MINDY4B: variants seen among roughly 807,000 people sequenced by gnomAD.
MINDY4B encodes the protein inactive ubiquitin carboxyl-terminal hydrolase MINDY-4B.
In MINDY4B, 25 loss-of-function variants were observed where a neutral mutation model predicts 16.7. The ratio of observed to expected loss-of-function variants is 1.49; its 90% CI spans 1.09 to 2.09. MINDY4B has a LOEUF of 2.09. Among genes scored for constraint, MINDY4B ranks in the 30% most tolerant of loss-of-function variants. MINDY4B has a pLI of 0.00. For missense variants in MINDY4B, 327 were observed against 168.4 expected (o/e 1.94, Z -5.21); for synonymous variants, 132 against 61.9 (o/e 2.13, Z -5.32).
At chr3:150,871,466 A>G (rs1007944378) in intron 11 of MINDY4B, among the ~76,000 whole-genome samples, 3 of 152,050 alleles carry the variant, frequency 2.0e-5, no homozygotes, top group Admixed American at 6.5e-5. Flanking sequence ...GTTGTTGTGC[A>G]TAACTGTTGA....
rs766447426 is a variant in MINDY4B at position 150,893,310 on chromosome 3, C to T, written c.521+14G>A. 9 of 702,590 alleles carry T rather than the reference C, an allele frequency of 1.3e-5. No individual in the cohort carries two copies. Among genetic ancestry groups the T allele is most frequent in the Non-Finnish European group, 2.3e-5 (9 of 384,820 alleles). 43.5% of individuals were successfully genotyped at this position (702,590 alleles called of 1,614,324 possible). A position where few individuals can be genotyped will look rare whatever the true frequency, so the allele number is the denominator to read the frequency against. ...TGAAATGGGTAATTCAAGTACTTCTCACAGTCCTCTTACTTGCCAAGGTTA... is the reference window on the plus strand; with the variant it reads ...TGAAATGGGTAATTCAAGTACTTCTTACAGTCCTCTTACTTGCCAAGGTTA... On this transcript the variant is annotated intron_variant, in intron 5 of 11. Coordinates refer to ENST00000465419, the MANE Select transcript of MINDY4B (RefSeq NM_001351281.2).
intron 10 of MINDY4B, among the ~76,000 whole-genome samples, chr3:150,874,111 G>A (rs1005940975): frequency 6.7e-6 from 1 of 149,752 alleles, no homozygotes; most frequent in East Asian, 2.0e-4. Flanking sequence ...GACTCCCTGG[G>A]CTCAAGTGAT....
At position 150,870,949 on chromosome 3, in the gene MINDY4B, A is replaced by G. The variant is rs936726792; in HGVS notation, c.*96T>C. 1 of 611,456 alleles carries G rather than the reference A, an allele frequency of 1.6e-6. No individual in the cohort carries two copies. Among genetic ancestry groups the G allele is most frequent in the East Asian group, 2.7e-5 (1 of 36,380 alleles). The allele number at this position is 611,456 out of a possible 1,614,324, so 37.9% of individuals were successfully genotyped here. A position where few individuals can be genotyped will look rare whatever the true frequency, so the allele number is the denominator to read the frequency against. On this transcript the variant is annotated 3_prime_UTR_variant, in exon 12 of 12. Transcript: ENST00000465419. ...ATATATTTTTTGGTGGGGCTTGTGA[A>G]TGAGAAATATGGAAACGATTGGTCT...
At chr3:150,892,414 T>C (rs1227997725) in intron 5 of MINDY4B, among the ~76,000 whole-genome samples, 2 of 152,244 alleles carry the variant, frequency 1.3e-5, no homozygotes, top group African/African-American at 4.8e-5. Context: ...TGGGCTCTGC[T>C]TCTAGGGAAA....
chr3:150,882,926 C>A lies in MINDY4B; in HGVS notation c.1030G>T (p.Asp344Tyr). ...SDVGYLQWGKDASEDDRLSQV... is the reference protein window; with the variant it reads ...SDVGYLQWGKYASEDDRLSQV... Reference sequence around the variant, plus strand: ...GAGAGTCTGTCATCTTCCGAGGCATCCTTACCCCACTGCAAATAGCCAACA... The same window carrying A: ...GAGAGTCTGTCATCTTCCGAGGCATACTTACCCCACTGCAAATAGCCAACA... Residue 344 changes from aspartate to tyrosine, a missense_variant, in exon 10 of 12, where the codon GAT becomes TAT. Physicochemically the swap from Asp to Tyr is radical, Grantham distance 160. Coordinates refer to ENST00000465419, the MANE Select transcript of MINDY4B (RefSeq NM_001351281.2). 4 of 702,802 alleles carry A rather than the reference C, an allele frequency of 5.7e-6. No homozygotes were observed. Among genetic ancestry groups the A allele is most frequent in the Non-Finnish European group, 1.0e-5 (4 of 384,712 alleles). 43.5% of individuals were successfully genotyped at this position (702,802 alleles called of 1,614,324 possible). A position where few individuals can be genotyped will look rare whatever the true frequency, so the allele number is the denominator to read the frequency against.
intron 3 of MINDY4B, among the ~76,000 whole-genome samples, chr3:150,897,504 T>G (rs1163830689): frequency 1.3e-5 from 2 of 152,126 alleles, no homozygotes; most frequent in East Asian, 3.8e-4. Flanking sequence ...TGGAGCTCAA[T>G]GGGCCCAGAG....
intron 3 of MINDY4B, 80 bp downstream of exon 3, chr3:150,903,169 G>A (rs2276760): frequency 0.27 from 108,483 of 397,306 alleles, 16,635 homozygotes; most frequent in African/African-American, 0.48. Flanking sequence ...CTCTCACATG[G>A]CAGGAGATAA....
chr3:150,872,412 T>C, intron 11 of MINDY4B, among the ~76,000 whole-genome samples: 1 of 152,224 alleles, frequency 6.6e-6, no homozygotes, highest in Admixed American at 6.5e-5. Context: ...TCAGACACAG[T>C]AATGCTCCAT....
chr3:150,871,213 G>T (rs966568180), intron 11 of MINDY4B, 26 bp from the exon 12 acceptor site: 6 of 700,614 alleles, frequency 8.6e-6, no homozygotes, highest in Non-Finnish European at 1.6e-5. Flanking sequence ...CCAGCATTTA[G>T]ACCCAAGCCT....
chr3:150,884,270 G>A (rs1711571893), intron 8 of MINDY4B, among the ~76,000 whole-genome samples: 1 of 152,198 alleles, frequency 6.6e-6, no homozygotes, highest in African/African-American at 2.4e-5. Flanking sequence ...ACAATATAAG[G>A]TCAAGGTGGA....
chr3:150,873,570 G>A lies in MINDY4B; in HGVS notation c.1060-203C>T, dbSNP rs138761754. The stretch of plus-strand genomic sequence containing the variant: ...TTTATGAATGATCTGGTATAGTGGT[G>A]CTGCCATTTTTATCTTAATGGATTA... On this transcript the variant is annotated intron_variant, in intron 10 of 11. Coordinates refer to ENST00000465419, the MANE Select transcript of MINDY4B (RefSeq NM_001351281.2). Among the ~76,000 whole-genome samples, 4 of 152,306 alleles carry A rather than the reference G, an allele frequency of 2.6e-5. No homozygotes were observed. In the East Asian group the frequency reaches 7.7e-4, roughly 29 times the overall value.
intron 3 of MINDY4B, among the ~76,000 whole-genome samples, chr3:150,897,992 T>G (rs942037525): frequency 3.3e-5 from 5 of 152,230 alleles, no homozygotes; most frequent in Non-Finnish European, 7.3e-5. Flanking sequence ...GCCCCAGTTC[T>G]GCTCCTTACC....
intron 10 of MINDY4B, among the ~76,000 whole-genome samples, chr3:150,881,933 G>C (rs1267232005): frequency 1.3e-5 from 2 of 152,322 alleles, no homozygotes; most frequent in Admixed American, 1.3e-4. Flanking sequence ...CAATAGTAGA[G>C]GGACAGATGA....
intron 11 of MINDY4B, 49 bp from the exon 12 acceptor site, chr3:150,871,236 C>G (rs765186717): frequency 1.2e-5 from 8 of 686,604 alleles, no homozygotes; most frequent in Non-Finnish European, 1.9e-5. Flanking sequence ...GAACACCATT[C>G]CAGAGGAAAC....
At chr3:150,871,451 C>G (rs1716970403) in intron 11 of MINDY4B, among the ~76,000 whole-genome samples, 1 of 151,870 alleles carries the variant, frequency 6.6e-6, no homozygotes, top group Non-Finnish European at 1.5e-5. Context: ...TCAGTGGTAA[C>G]CTGGGTTGTT....
At chr3:150,871,327 G>T (rs1716963108) in intron 11 of MINDY4B, 140 bp from the exon 12 acceptor site, 6 of 610,868 alleles carry the variant, frequency 9.8e-6, no homozygotes. Flanking sequence ...AGCAGATGGG[G>T]ATTCAAGCAG....
intron 10 of MINDY4B, among the ~76,000 whole-genome samples, chr3:150,879,153 T>G (rs531632018): frequency 6.6e-6 from 1 of 152,210 alleles, no homozygotes; most frequent in Non-Finnish European, 1.5e-5. Flanking sequence ...AAAGAAGATA[T>G]ACTCTTTCTT....
chr3:150,894,826 T>C (rs1468884410), intron 3 of MINDY4B, among the ~76,000 whole-genome samples: 1 of 152,216 alleles, frequency 6.6e-6, no homozygotes, highest in African/African-American at 2.4e-5. Context: ...AAAGGGAATC[T>C]ATTCAAAATC....
chr3:150,874,719 G>A (rs1333795639), intron 10 of MINDY4B, among the ~76,000 whole-genome samples: 1 of 152,150 alleles, frequency 6.6e-6, no homozygotes, highest in Non-Finnish European at 1.5e-5. Flanking sequence ...CTATTTTGTG[G>A]AAATCCAGCT....
Sources: gnomAD v4.1 joint callset for allele counts (sites outside exome capture counted in the v4.1 genomes callset) on GRCh38, gnomAD v4.1.1 for gene constraint, MANE v1.5 for transcripts, NCBI Gene and HGNC (gene_info 2026-07-23, HGNC 2026-07-21) for gene names.